TNFRSF9: variants seen among roughly 807,000 people sequenced by gnomAD.
TNFRSF9 encodes the protein TNF receptor superfamily member 9.
Under a neutral mutation model 28.8 loss-of-function variants are expected in TNFRSF9, and 16 were observed. That is an observed-to-expected ratio of 0.55 (90% CI 0.38 to 0.84). The LOEUF is 0.84. Ranked by LOEUF, TNFRSF9 falls within the 40% of genes least tolerant of loss-of-function variation. TNFRSF9 has a pLI of 0.00. For missense variants in TNFRSF9, 303 were observed against 315.0 expected (o/e 0.96, Z 0.29); for synonymous variants, 131 against 117.0 (o/e 1.12, Z -0.77).
In TNFRSF9 at chr1:7,938,738, A is replaced by G; in HGVS notation, c.191T>C (p.Ile64Thr). Residue 64 changes from isoleucine to threonine, a missense_variant, in exon 3 of 8, where the codon ATA (isoleucine) becomes ACA (threonine). Ile to Thr is a moderately conservative substitution (Grantham distance 89). Transcript: ENST00000377507. ...ACTCATACCTTTACACTGCCTGCAT[A>G]TGTCACAGGTCCTTTGTCCACCTGC... The part of the protein sequence containing the change: ...SSAGGQRTCD[I>T]CRQCKGVFRT... 3 of 1,612,570 alleles carry G rather than the reference A, an allele frequency of 1.9e-6. No individual in the cohort carries two copies. The highest frequency in any genetic ancestry group is 2.5e-6 in the Non-Finnish European group (3 of 1,178,868).
intron 7 of TNFRSF9, among the ~76,000 whole-genome samples, chr1:7,925,766 T>C (rs1443665796): frequency 4.6e-5 from 7 of 152,076 alleles, no homozygotes; most frequent in African/African-American, 1.2e-4. Flanking sequence ...CAGTTCACAA[T>C]AGGATTCATG....
rs1013381450 is a variant in TNFRSF9 at position 7,920,511 on chromosome 1, G to T, written c.*324C>A. On this transcript the variant is annotated 3_prime_UTR_variant, in exon 8 of 8. Transcript: ENST00000377507. The stretch of plus-strand genomic sequence containing the variant: ...CAAAAAACAAAAAAGTTAGTCAGGT[G>T]TGGTGGCCCTTCCTTGTAGTTCCAG... The T allele has an allele frequency of 8.7e-6, 2 of 230,150 alleles. No homozygotes were observed. Among genetic ancestry groups the T allele is most frequent in the East Asian group, 2.1e-4 (2 of 9,436 alleles). The allele number at this position is 230,150 out of a possible 1,614,324, so 14.3% of individuals were successfully genotyped here. A position where few individuals can be genotyped will look rare whatever the true frequency, so the allele number is the denominator to read the frequency against.
chr1:7,936,581 A>G (rs1178382559), intron 5 of TNFRSF9: 1 of 152,276 alleles, frequency 6.6e-6, no homozygotes, highest in Non-Finnish European at 1.5e-5. Flanking sequence ...ATTATAAATG[A>G]CAAAAGCAGA....
chr1:7,940,212 G>A (rs1639882332), intron 1 of TNFRSF9, 134 bp from the exon 2 acceptor site: 6 of 385,234 alleles, frequency 1.6e-5, no homozygotes, highest in South Asian at 1.1e-4. Flanking sequence ...GCAATATTAC[G>A]GAAAAGTAGC....
intron 7 of TNFRSF9, among the ~76,000 whole-genome samples, chr1:7,929,515 C>A (rs1341196735): frequency 2.0e-5 from 3 of 152,096 alleles, no homozygotes; most frequent in Non-Finnish European, 4.4e-5. Flanking sequence ...TCCCTGAATA[C>A]ACCCACCGTA....
In TNFRSF9 at chr1:7,920,711, G is replaced by A. The variant is rs995614816; in HGVS notation, c.*124C>T. On this transcript the variant is annotated 3_prime_UTR_variant, in exon 8 of 8. Coordinates refer to ENST00000377507, the MANE Select transcript of TNFRSF9 (RefSeq NM_001561.6). ...CTCATTGGCATTTAGAAAAGAACGT[G>A]TGTTGGGGGAATCCTGGGTATTATG... The A allele has an allele frequency of 6.5e-6, 5 of 774,542 alleles. No homozygotes were observed. Among genetic ancestry groups the A allele is most frequent in the Non-Finnish European group, 1.1e-5 (5 of 459,210 alleles). The allele number at this position is 774,542 out of a possible 1,614,324, so 48.0% of individuals were successfully genotyped here. A position where few individuals can be genotyped will look rare whatever the true frequency, so the allele number is the denominator to read the frequency against.
intron 4 of TNFRSF9, 33 bp from the exon 5 acceptor site, chr1:7,937,789 G>A (rs754900312): frequency 1.3e-6 from 2 of 1,569,228 alleles, no homozygotes; most frequent in Non-Finnish European, 1.8e-6. Context: ...TAATAAAAGG[G>A]AAGCATTTTC....
At position 7,919,549 on chromosome 1, in the gene TNFRSF9, C is replaced by T. The variant is rs896191784; in HGVS notation, c.*1286G>A. ...TAAAAAGCTATCCTTAGATCATAAG[C>T]CAAACAATGGCAGGCATGCCAGGTT... On this transcript the variant is annotated 3_prime_UTR_variant, in exon 8 of 8. Transcript: ENST00000377507. The T allele has an allele frequency of 6.6e-6, 1 of 152,116 alleles. No individual in the cohort carries two copies. The allele number at this position is 152,116 out of a possible 1,614,324, so 9.4% of individuals were successfully genotyped here.
In TNFRSF9 at chr1:7,933,242, A is replaced by G; in HGVS notation, c.599T>C (p.Leu200Pro). 6.2e-7 allele frequency: 1 copy of G among 1,614,040 alleles called. No individual in the cohort carries two copies. The highest frequency in any genetic ancestry group is 8.5e-7 in the Non-Finnish European group (1 of 1,179,898). The stretch of plus-strand genomic sequence containing the variant: ...GAGCGTGAGGAAGAACAGCAGGAAG[A>G]GCAACGCAGTCGACGTCAGCGCAAG... ...FFLALTSTALLFLLFFLTLRF... is the reference protein window; with the variant it reads ...FFLALTSTALPFLLFFLTLRF... The change falls in exon 7 of 8, where the codon CTC becomes CCC. Residue 200 changes from leucine (L) to proline (P), a missense_variant. Physicochemically the swap from Leu to Pro is moderately conservative, Grantham distance 98. Transcript: ENST00000377507.
intron 7 of TNFRSF9, among the ~76,000 whole-genome samples, chr1:7,929,313 G>A (rs1471252173): frequency 2.0e-5 from 3 of 151,724 alleles, no homozygotes; most frequent in Admixed American, 1.3e-4. Context: ...TTACAGGCAC[G>A]TGCCACCATG....
intron 7 of TNFRSF9, among the ~76,000 whole-genome samples, chr1:7,923,899 A>G (rs1275895475): frequency 6.6e-6 from 1 of 152,204 alleles, no homozygotes; most frequent in East Asian, 1.9e-4. Context: ...CAGAACTTGT[A>G]TAGTGAAAAC....
intron 7 of TNFRSF9, among the ~76,000 whole-genome samples, chr1:7,929,585 A>G (rs1578073226): frequency 6.6e-6 from 1 of 152,186 alleles, no homozygotes; most frequent in South Asian, 2.1e-4. Flanking sequence ...CTCTCTATCT[A>G]TGATTTAGCT....
chr1:7,931,234 A>G (rs1639727391), intron 7 of TNFRSF9, among the ~76,000 whole-genome samples: 1 of 152,226 alleles, frequency 6.6e-6, no homozygotes. Flanking sequence ...CAAGATACAC[A>G]TGTTCCTTGT....
chr1:7,928,108 A>T (rs926486566), intron 7 of TNFRSF9, among the ~76,000 whole-genome samples: 2 of 152,202 alleles, frequency 1.3e-5, no homozygotes, highest in Non-Finnish European at 2.9e-5. Flanking sequence ...CCCCAATGAG[A>T]TGTCACTACA....
rs1639880416 is a variant in TNFRSF9 at position 7,940,082 on chromosome 1, C to T, written c.-84-4G>A. The T allele has an allele frequency of 7.8e-6, 7 of 899,334 alleles. No individual in the cohort carries two copies. Among genetic ancestry groups the T allele is most frequent in the Non-Finnish European group, 1.0e-5 (6 of 571,628 alleles). 55.7% of individuals were successfully genotyped at this position (899,334 alleles called of 1,614,324 possible). A position where few individuals can be genotyped will look rare whatever the true frequency, so the allele number is the denominator to read the frequency against. On this transcript the variant is annotated splice_polypyrimidine_tract_variant and splice_region_variant and intron_variant, in intron 1 of 7. Coordinates refer to ENST00000377507, the MANE Select transcript of TNFRSF9 (RefSeq NM_001561.6). ...AGCTGGTCTCACAAATGTCACTCTG[C>T]AAAAGATAAACATTTCCAAGGAAAG...
At position 7,933,152 on chromosome 1, in the gene TNFRSF9, T is replaced by A. The variant is rs1639759241; in HGVS notation, c.679+10A>T. On this transcript the variant is annotated intron_variant, in intron 7 of 7. Coordinates refer to ENST00000377507, the MANE Select transcript of TNFRSF9 (RefSeq NM_001561.6). ...TTGCCAGAGCTGTAATATGATTATG[T>A]TAATCTTACGTTGTTTGAATATATA... 2 of 1,600,504 alleles carry A rather than the reference T, an allele frequency of 1.2e-6. No individual in the cohort carries two copies. The highest frequency in any genetic ancestry group is 4.5e-5 in the East Asian group (2 of 44,632).
chr1:7,918,277 T>G lies in TNFRSF9; in HGVS notation c.*2558A>C, dbSNP rs953310510. On this transcript the variant is annotated 3_prime_UTR_variant, in exon 8 of 8. Transcript: ENST00000377507. Reference sequence around the variant, plus strand: ...CTGGGATTACAGGTGTGAGCTACCGTGCCTGGCCACAAAGAAGATATTTTT... The same window carrying G: ...CTGGGATTACAGGTGTGAGCTACCGGGCCTGGCCACAAAGAAGATATTTTT... The G allele has an allele frequency of 6.6e-6, 1 of 152,170 alleles. No homozygotes were observed. The highest frequency in any genetic ancestry group is 2.1e-4 in the South Asian group (1 of 4,836). 9.4% of individuals were successfully genotyped at this position (152,170 alleles called of 1,614,324 possible). A position where few individuals can be genotyped will look rare whatever the true frequency, so the allele number is the denominator to read the frequency against.
Position 7,940,031 on chromosome 1 carries a change from G to T in TNFRSF9, c.-37C>A. 1 of 1,423,360 alleles carries T rather than the reference G, an allele frequency of 7.0e-7. No individual in the cohort carries two copies. Among genetic ancestry groups the T allele is most frequent in the South Asian group, 1.2e-5 (1 of 80,534 alleles). The allele number at this position is 1,423,360 out of a possible 1,614,324, so 88.2% of individuals were successfully genotyped here. A position where few individuals can be genotyped will look rare whatever the true frequency, so the allele number is the denominator to read the frequency against. ...GCACAGGTATGATACTAGCAAAGCT[G>T]ATTCCAAGAGAATTTTAATCAAATT... On this transcript the variant is annotated 5_prime_UTR_variant, in exon 2 of 8. Transcript: ENST00000377507.
chr1:7,938,364 A>C (rs1639853526), intron 3 of TNFRSF9, 34 bp from the exon 4 acceptor site: 1 of 1,548,734 alleles, frequency 6.5e-7, no homozygotes, highest in African/African-American at 1.4e-5. Flanking sequence ...ACATTTTATT[A>C]CACTTGACCT....
Sources: allele counts gnomAD v4.1 joint callset (sites outside exome capture counted in the v4.1 genomes callset), GRCh38; gene constraint gnomAD v4.1.1; transcripts MANE v1.5; gene names NCBI Gene and HGNC (gene_info 2026-07-23, HGNC 2026-07-21).